Variants in CACNA1A observed in about 807,000 individuals in gnomAD.
The protein encoded by CACNA1A is voltage-dependent P/Q-type calcium channel subunit alpha-1A.
CACNA1A carries 57 observed loss-of-function variants against 262.4 expected under a neutral mutation model. The ratio of observed to expected loss-of-function variants is 0.22; its 90% CI spans 0.18 to 0.27. CACNA1A has a LOEUF of 0.27. CACNA1A is among the 10% of genes least tolerant of loss of function. The pLI, the probability that CACNA1A is intolerant of heterozygous loss-of-function variation, is 1.00. For synonymous variants in CACNA1A, 1,431 were observed against 1,419.3 expected (o/e 1.01, Z -0.18); for missense variants, 2,526 against 3,562.8 (o/e 0.71, Z 7.41).
intron 38 of CACNA1A, among the ~76,000 whole-genome samples, chr19:13,219,678 G>A (rs1053646506): frequency 2.0e-5 from 3 of 152,268 alleles, no homozygotes; most frequent in South Asian, 2.1e-4. Context: ...CCGGAGGCCC[G>A]GTGCGGTGGC....
intron 43 of CACNA1A, 127 bp downstream of exon 43, chr19:13,211,976 T>C: frequency 1.5e-6 from 1 of 654,820 alleles, no homozygotes; most frequent in South Asian, 1.8e-5. Flanking sequence ...CTTCAGAGAC[T>C]GAAGGAGTCC....
intron 18 of CACNA1A, 66 bp from the exon 19 acceptor site, chr19:13,299,419 G>A: frequency 1.4e-6 from 2 of 1,395,024 alleles, no homozygotes; most frequent in South Asian, 1.2e-5. Context: ...GATGACCCAG[G>A]CGAACCAACC....
chr19:13,229,837 C>T (rs1036445821), intron 36 of CACNA1A: 9 of 411,278 alleles, frequency 2.2e-5, no homozygotes, highest in Non-Finnish European at 3.9e-5. Context: ...CAGGACATCT[C>T]ATGGTTGACG....
intron 3 of CACNA1A, chr19:13,450,489 C>T (rs1347652499): frequency 6.6e-6 from 1 of 152,358 alleles, no homozygotes; most frequent in Non-Finnish European, 1.5e-5. Flanking sequence ...CCTCTGTACC[C>T]CTCACCGCCA....
chr19:13,405,646 A>C (rs1393188806), intron 3 of CACNA1A, among the ~76,000 whole-genome samples: 2 of 152,194 alleles, frequency 1.3e-5, no homozygotes, highest in Non-Finnish European at 2.9e-5. Context: ...TAAGAGTGTT[A>C]TTATCCCCAT....
intron 3 of CACNA1A, among the ~76,000 whole-genome samples, chr19:13,379,177 G>A (rs1189613002): frequency 6.6e-6 from 1 of 151,732 alleles, no homozygotes; most frequent in Non-Finnish European, 1.5e-5. Flanking sequence ...GTAGAAACGG[G>A]GTCTCACTTT....
At chr19:13,253,146 G>T in intron 29 of CACNA1A, 45 bp from the exon 30 acceptor site, 1 of 1,166,168 alleles carries the variant, frequency 8.6e-7, no homozygotes, top group Non-Finnish European at 1.3e-6. Context: ...GAGCAGGGGT[G>T]GGAAGTGGGA....
At chr19:13,432,082 C>T (rs1290989894) in intron 3 of CACNA1A, among the ~76,000 whole-genome samples, 2 of 106,162 alleles carry the variant, frequency 1.9e-5, no homozygotes. Context: ...TCCAGCCTAG[C>T]AAGAGAGTGA....
chr19:13,414,462 T>A (rs1477400890), intron 3 of CACNA1A, among the ~76,000 whole-genome samples: 13 of 152,176 alleles, frequency 8.5e-5, no homozygotes, highest in Middle Eastern at 3.4e-3. Context: ...TTGGATAGTA[T>A]CTTGAAAGCA....
chr19:13,482,519 T>G (rs1979454529), intron 1 of CACNA1A, among the ~76,000 whole-genome samples: 1 of 151,960 alleles, frequency 6.6e-6, no homozygotes, highest in Admixed American at 6.6e-5. Context: ...GCAAACCTTC[T>G]TTTTCTTTTT....
At chr19:13,331,752 T>G (rs917787332) in intron 9 of CACNA1A, among the ~76,000 whole-genome samples, 3 of 151,788 alleles carry the variant, frequency 2.0e-5, no homozygotes, top group Admixed American at 1.3e-4. Flanking sequence ...CCTCGACCTC[T>G]TGGGCTCAAG....
chr19:13,307,799 T>C lies in CACNA1A; in HGVS notation c.1969A>G (p.Ile657Val), dbSNP rs375173544. Residue 657 changes from isoleucine (I) to valine (V), a missense_variant, in exon 15 of 47, where the codon ATA becomes GTA. Around this residue, in one of 17 missense-constraint regions of CACNA1A, gnomAD observed 102 missense variants for 278.9 expected, o/e 0.37. Coordinates refer to ENST00000360228, the MANE Select transcript of CACNA1A (RefSeq NM_001127222.2). ...PTNFDTFPAA[I>V]MTVFQILTGE... is the part of the protein sequence containing the mutation. The stretch of plus-strand genomic sequence containing the variant: ...GGCTGTACCTGAAACACCGTCATTA[T>C]TGCTGCTGGAAAAGTATCGAAGTTG... 6.2e-7 allele frequency: 1 copy of C among 1,613,982 alleles called. No homozygotes were observed. The highest frequency in any genetic ancestry group is 8.5e-7 in the Non-Finnish European group (1 of 1,179,858).
chr19:13,459,907 T>C (rs2061086733), intron 1 of CACNA1A, among the ~76,000 whole-genome samples: 1 of 152,186 alleles, frequency 6.6e-6, no homozygotes, highest in Non-Finnish European at 1.5e-5. Context: ...CAGTGTTGCC[T>C]GGATTTCAGA....
At chr19:13,234,677 C>T (rs2055807506) in intron 34 of CACNA1A, 1 of 509,454 alleles carries the variant, frequency 2.0e-6, no homozygotes. Flanking sequence ...GCCACCCCCA[C>T]ACCAGAAAAG....
chr19:13,466,202 GT>G (rs2145006366), intron 1 of CACNA1A, among the ~76,000 whole-genome samples: 1 of 148,840 alleles, frequency 6.7e-6, no homozygotes, highest in East Asian at 2.0e-4. Context: ...TTCCATTTTG[GT>G]TTTGCTTTTT....
chr19:13,247,415 C>T (rs1032582134), intron 30 of CACNA1A, among the ~76,000 whole-genome samples: 11 of 152,138 alleles, frequency 7.2e-5, no homozygotes, highest in African/African-American at 2.4e-4. Flanking sequence ...TTCAGGGGGC[C>T]GGGCGCGGTG....
chr19:13,261,205 C>T lies in CACNA1A; in HGVS notation c.4250+245G>A, dbSNP rs1455078728. On this transcript the variant is annotated intron_variant, in intron 26 of 46. Coordinates refer to ENST00000360228, the MANE Select transcript of CACNA1A (RefSeq NM_001127222.2). Reference sequence around the variant, plus strand: ...TGTGGATGTGTATTAATATCCCTCACATGACAAAGGCGGTGGCTGAAAGGT... The same window carrying T: ...TGTGGATGTGTATTAATATCCCTCATATGACAAAGGCGGTGGCTGAAAGGT... 8 of 455,278 alleles carry T rather than the reference C, an allele frequency of 1.8e-5. No individual in the cohort carries two copies. In the Admixed American group the frequency reaches 1.9e-4, roughly 11 times the overall value. 28.2% of individuals were successfully genotyped at this position (455,278 alleles called of 1,614,324 possible).
At chr19:13,360,729 C>T (rs891590619) in intron 5 of CACNA1A, among the ~76,000 whole-genome samples, 3 of 152,132 alleles carry the variant, frequency 2.0e-5, no homozygotes, top group Admixed American at 6.5e-5. Context: ...CCGCCCGCCT[C>T]GGCCTCCAAA....
intron 38 of CACNA1A, among the ~76,000 whole-genome samples, chr19:13,223,835 G>T (rs2055331409): frequency 6.6e-6 from 1 of 152,078 alleles, no homozygotes; most frequent in African/African-American, 2.4e-5. Flanking sequence ...TCCCCTGCTT[G>T]GACGGGTCTC....
Sources: gnomAD v4.1 joint callset for allele counts (sites outside exome capture counted in the v4.1 genomes callset) on GRCh38, gnomAD v4.1.1 for gene constraint, gnomAD v4.1.1 regional missense constraint, MANE v1.5 for transcripts, NCBI Gene and HGNC (gene_info 2026-07-23, HGNC 2026-07-21) for gene names.